The following RBMS3 variants were observed in gnomAD, a reference collection of about 807,000 sequenced individuals.
The protein encoded by RBMS3 is RNA binding motif single stranded interacting protein 3, also known as RNA-binding motif, single-stranded-interacting protein 3.
RBMS3 carries 27 observed loss-of-function variants against 66.8 expected under a neutral mutation model. The ratio of observed to expected loss-of-function variants is 0.40; its 90% CI spans 0.30 to 0.56. The LOEUF is 0.56. Among genes scored for constraint, RBMS3 ranks in the 20% least tolerant of loss-of-function variants. The pLI, the probability that RBMS3 is intolerant of heterozygous loss-of-function variation, is 0.40. For missense variants in RBMS3, 513 were observed against 549.5 expected, an observed-to-expected ratio of 0.93 and a Z score of 0.66; for synonymous variants, 188 against 183.0, an observed-to-expected ratio of 1.03 and a Z score of -0.22.
chr3:29,832,454 A>C lies in RBMS3; in HGVS notation c.638-36404A>C, dbSNP rs1458723967. Among the ~76,000 whole-genome samples, 7 of 152,170 alleles carry C rather than the reference A, an allele frequency of 4.6e-5. No homozygotes were observed. In the East Asian group the frequency reaches 1.4e-3, roughly 29 times the overall value. ...GGGCATCTAGCAGAAAAGTCCCAGT[A>C]CACTGTTGGAGCAAAAGGTATCCAA... On this transcript the variant is annotated intron_variant, in intron 6 of 14. Coordinates refer to ENST00000383767, the MANE Select transcript of RBMS3 (RefSeq NM_001003793.3).
chr3:29,397,752 TCAC>T (rs1194864625), intron 1 of RBMS3, among the ~76,000 whole-genome samples: 3 of 152,102 alleles, frequency 2.0e-5, no homozygotes, highest in Non-Finnish European at 4.4e-5. Flanking sequence ...TCTTTCTGTG[TCAC>T]TCAGGCTGGA....
intron 6 of RBMS3, among the ~76,000 whole-genome samples, chr3:29,796,981 G>A (rs766401003): frequency 4.0e-5 from 6 of 151,560 alleles, no homozygotes; most frequent in Non-Finnish European, 7.4e-5. Flanking sequence ...CGAAGTGCTG[G>A]GATTACAGGC....
At chr3:29,672,699 C>T (rs575878793) in intron 4 of RBMS3, among the ~76,000 whole-genome samples, 4 of 152,290 alleles carry the variant, frequency 2.6e-5, no homozygotes, top group South Asian at 4.1e-4. Context: ...AAGGCCATTA[C>T]ATAATGTAAA....
intron 6 of RBMS3, among the ~76,000 whole-genome samples, chr3:29,864,145 A>T (rs1451720747): frequency 4.6e-5 from 7 of 152,230 alleles, no homozygotes; most frequent in Admixed American, 4.6e-4. Flanking sequence ...AGTGAAATCT[A>T]TTACTATGTA....
intron 12 of RBMS3, among the ~76,000 whole-genome samples, chr3:29,946,071 A>AT (rs1553705417): frequency 1.3e-5 from 2 of 151,762 alleles, no homozygotes; most frequent in Non-Finnish European, 2.9e-5. Context: ...ATTTTGGGAG[A>AT]TTTCACAGTT....
At position 29,547,968 on chromosome 3, in the gene RBMS3, T is replaced by C. The variant is rs534937829; in HGVS notation, c.308-39146T>C. Among the ~76,000 whole-genome samples the C allele has an allele frequency of 2.6e-5, 4 of 152,104 alleles. No homozygotes were observed. In the East Asian group the frequency reaches 7.7e-4, roughly 29 times the overall value. On this transcript the variant is annotated intron_variant, in intron 3 of 14. Coordinates refer to ENST00000383767, the MANE Select transcript of RBMS3 (RefSeq NM_001003793.3). ...CACCACCACCCCTGGCTAATTATTA[T>C]ATTATTAGTAGAGACGGGGTTTTCT...
intron 4 of RBMS3, among the ~76,000 whole-genome samples, chr3:29,738,019 G>A (rs960400496): frequency 3.3e-5 from 5 of 152,044 alleles, no homozygotes; most frequent in East Asian, 1.9e-4. Context: ...GTGCTAAAAA[G>A]CTTGAAAAGT....
chr3:29,999,289 A>G (rs1699456933), intron 14 of RBMS3, among the ~76,000 whole-genome samples: 1 of 152,216 alleles, frequency 6.6e-6, no homozygotes, highest in Non-Finnish European at 1.5e-5. Context: ...ATGTGGAGAA[A>G]TAGGAACACT....
chr3:29,419,423 T>C (rs553227702), intron 1 of RBMS3, among the ~76,000 whole-genome samples: 1 of 152,298 alleles, frequency 6.6e-6, no homozygotes, highest in East Asian at 1.9e-4. Flanking sequence ...TTTACACATG[T>C]TATAGTGTAG....
At chr3:29,801,272 C>CTTTTTTTCTTTTTTTTTTT (rs553179866) in intron 6 of RBMS3, among the ~76,000 whole-genome samples, 47 of 129,452 alleles carry the variant, frequency 3.6e-4, no homozygotes, top group Admixed American at 4.8e-4. Flanking sequence ...TGCTTTTTTT[C>CTTTTTTTCTTTTTTTTTTT]TTTTTTTTTT....
chr3:29,333,196 C>A (rs2035762871), intron 1 of RBMS3, among the ~76,000 whole-genome samples: 1 of 152,194 alleles, frequency 6.6e-6, no homozygotes, highest in South Asian at 2.1e-4. Flanking sequence ...AAGGTTCTGG[C>A]AAACTCTAAA....
intron 3 of RBMS3, among the ~76,000 whole-genome samples, chr3:29,518,658 A>G (rs934711282): frequency 3.1e-4 from 47 of 152,232 alleles, no homozygotes; most frequent in Non-Finnish European, 4.4e-5. Context: ...AACACATTTC[A>G]TACCACTTTC....
intron 4 of RBMS3, among the ~76,000 whole-genome samples, chr3:29,599,304 C>A (rs1239104951): frequency 1.3e-5 from 2 of 151,334 alleles, no homozygotes; most frequent in Non-Finnish European, 2.9e-5. Context: ...ATACCCCATT[C>A]TCCATGATGT....
intron 5 of RBMS3, among the ~76,000 whole-genome samples, chr3:29,749,377 A>T (rs2055072060): frequency 6.6e-6 from 1 of 152,218 alleles, no homozygotes; most frequent in Admixed American, 6.5e-5. Context: ...TCTTAGTCTG[A>T]TCAATTTATT....
At chr3:29,487,005 T>A (rs1489259681) in intron 2 of RBMS3, among the ~76,000 whole-genome samples, 4 of 152,202 alleles carry the variant, frequency 2.6e-5, no homozygotes, top group African/African-American at 4.8e-5. Flanking sequence ...GACATTTTCT[T>A]CTCTTATCCC....
chr3:29,716,419 T>A (rs1341839299), intron 4 of RBMS3, among the ~76,000 whole-genome samples: 1 of 152,160 alleles, frequency 6.6e-6, no homozygotes, highest in African/African-American at 2.4e-5. Context: ...AAGTCATCGT[T>A]TCTATGTTAA....
intron 6 of RBMS3, among the ~76,000 whole-genome samples, chr3:29,836,727 G>A (rs9846909): frequency 0.036 from 5,466 of 151,498 alleles, 327 homozygotes; most frequent in African/African-American, 0.12. Flanking sequence ...ACAATAAAAT[G>A]TAACTATGTG....
intron 1 of RBMS3, among the ~76,000 whole-genome samples, chr3:29,304,762 G>GTGC (rs1021507109): frequency 5.9e-5 from 9 of 151,884 alleles, no homozygotes; most frequent in African/African-American, 2.2e-4. Context: ...TTTGTGTTAT[G>GTGC]TGCTGTGTTT....
At chr3:29,522,951 G>C (rs1389500229) in intron 3 of RBMS3, among the ~76,000 whole-genome samples, 1 of 152,160 alleles carries the variant, frequency 6.6e-6, no homozygotes, top group South Asian at 2.1e-4. Context: ...CATTGTCGGT[G>C]TAACAGTAGT....
Sources: gnomAD v4.1 joint callset for allele counts (sites outside exome capture counted in the v4.1 genomes callset) on GRCh38, gnomAD v4.1.1 for gene constraint, MANE v1.5 for transcripts, NCBI Gene and HGNC (gene_info 2026-07-23, HGNC 2026-07-21) for gene names.